EFCAB11: variants seen among roughly 807,000 people sequenced by gnomAD.
The protein encoded by EFCAB11 is EF-hand calcium-binding domain-containing protein 11.
In EFCAB11, 14 loss-of-function variants were observed where a neutral mutation model predicts 23.0. That is an observed-to-expected ratio of 0.61 (90% confidence interval 0.40 to 0.95). The LOEUF (loss-of-function observed/expected upper bound fraction) is 0.95. Among genes scored for constraint, EFCAB11 ranks in the 40% least tolerant of loss-of-function variants. EFCAB11 has a pLI of 0.00. For missense variants in EFCAB11, 198 were observed against 195.8 expected, an observed-to-expected ratio of 1.01 and a Z score of -0.07; for synonymous variants, 65 against 66.6, an observed-to-expected ratio of 0.98 and a Z score of 0.11.
At chr14:89,840,644 A>C (rs1368915210) in intron 5 of EFCAB11, among the ~76,000 whole-genome samples, 1 of 152,224 alleles carries the variant, frequency 6.6e-6, no homozygotes, top group East Asian at 1.9e-4. Context: ...ATGGAAAAGC[A>C]CTACATTTAA....
intron 5 of EFCAB11, among the ~76,000 whole-genome samples, chr14:89,838,936 A>G (rs1483526991): frequency 6.6e-6 from 1 of 152,244 alleles, no homozygotes; most frequent in African/African-American, 2.4e-5. Context: ...ACTAGAATTG[A>G]TGATGTGAAA....
intron 5 of EFCAB11, among the ~76,000 whole-genome samples, chr14:89,803,261 A>T (rs1885847114): frequency 6.6e-6 from 1 of 152,224 alleles, no homozygotes; most frequent in Non-Finnish European, 1.5e-5. Flanking sequence ...TAAAAAGAAA[A>T]TGATTTCAGG....
chr14:89,953,336 A>G (rs2139853844), intron 2 of EFCAB11, among the ~76,000 whole-genome samples: 1 of 152,330 alleles, frequency 6.6e-6, no homozygotes, highest in East Asian at 1.9e-4. Flanking sequence ...GAGAAAAGCA[A>G]GTTAAAGTAG....
intron 2 of EFCAB11, chr14:89,952,730 G>T: frequency 2.0e-6 from 1 of 500,124 alleles, no homozygotes; most frequent in Non-Finnish European, 2.6e-6. Flanking sequence ...GGCTTTGCTG[G>T]GCTTTCAATC....
rs531854422 is a variant in EFCAB11 at position 89,805,872 on chromosome 14, C to T, written c.411-8548G>A. Among the ~76,000 whole-genome samples the T allele has an allele frequency of 2.0e-5, 3 of 152,314 alleles. No individual in the cohort carries two copies. The East Asian group carries it at 5.8e-4, about 29-fold the overall frequency. On this transcript the variant is annotated intron_variant, in intron 5 of 5. Coordinates refer to ENST00000316738, the MANE Select transcript of EFCAB11 (RefSeq NM_145231.4). ...GAACTTGATGGACAGACAGCAGATA[C>T]TCAATGAACATAGTATTTTTGAAAT...
At chr14:89,884,809 G>T (rs1333530679) in intron 5 of EFCAB11, among the ~76,000 whole-genome samples, 1 of 152,242 alleles carries the variant, frequency 6.6e-6, no homozygotes, top group African/African-American at 2.4e-5. Flanking sequence ...TCTTTGGGAA[G>T]TAATTAGGTC....
intron 3 of EFCAB11, among the ~76,000 whole-genome samples, chr14:89,949,617 T>C (rs1459824623): frequency 1.3e-5 from 2 of 152,168 alleles, no homozygotes; most frequent in African/African-American, 4.8e-5. Context: ...CCACCTGCCT[T>C]GGCTTCCCAA....
intron 5 of EFCAB11, among the ~76,000 whole-genome samples, chr14:89,819,500 GCCTAAAACT>G (rs1257540034): frequency 3.9e-5 from 6 of 152,014 alleles, no homozygotes; most frequent in African/African-American, 1.5e-4. Context: ...GCTCACTACA[GCCTAAAACT>G]CCTGGGTTCA....
chr14:89,944,611 CA>C (rs1890901730), intron 3 of EFCAB11, among the ~76,000 whole-genome samples: 1 of 151,924 alleles, frequency 6.6e-6, no homozygotes, highest in South Asian at 2.1e-4. Flanking sequence ...GGAATATTCA[CA>C]AAAAACCCTA....
chr14:89,919,615 G>A lies in EFCAB11; in HGVS notation c.410+11926C>T, dbSNP rs147607752. 1.5e-3 allele frequency among the ~76,000 whole-genome samples: 223 copies of A among 152,244 alleles called. 1 individual carries two copies. The highest frequency in any genetic ancestry group is 2.4e-3 in the Non-Finnish European group (160 of 68,020). ...AATTCTAAAAACTCCATGAGTGGGA[G>A]GCAGGTAAAAGTGAGTGATAAACAG... On this transcript the variant is annotated intron_variant, in intron 5 of 5. Transcript: ENST00000316738.
chr14:89,806,415 T>TA (rs1384995278), intron 5 of EFCAB11, among the ~76,000 whole-genome samples: 1 of 152,176 alleles, frequency 6.6e-6, no homozygotes, highest in Non-Finnish European at 1.5e-5. Flanking sequence ...ACAGAGCTGC[T>TA]AATAAACAGG....
At chr14:89,887,497 T>A (rs1283665646) in intron 5 of EFCAB11, among the ~76,000 whole-genome samples, 3 of 152,210 alleles carry the variant, frequency 2.0e-5, no homozygotes, top group Non-Finnish European at 4.4e-5. Flanking sequence ...TTGTTTTCTA[T>A]CCATAAACAT....
chr14:89,945,445 C>T (rs1890945991), intron 3 of EFCAB11, among the ~76,000 whole-genome samples: 1 of 152,166 alleles, frequency 6.6e-6, no homozygotes, highest in African/African-American at 2.4e-5. Context: ...CAAAATACTT[C>T]CTAATTTTTC....
intron 5 of EFCAB11, among the ~76,000 whole-genome samples, chr14:89,914,529 A>G (rs1392804827): frequency 1.3e-5 from 2 of 152,216 alleles, no homozygotes; most frequent in Admixed American, 1.3e-4. Flanking sequence ...TCACGCCTGT[A>G]ATCCCAGCAC....
At chr14:89,862,492 C>T (rs1004022861) in intron 5 of EFCAB11, among the ~76,000 whole-genome samples, 1 of 152,084 alleles carries the variant, frequency 6.6e-6, no homozygotes, top group African/African-American at 2.4e-5. Context: ...TGAATTGTGT[C>T]CAGAAAACTG....
chr14:89,818,761 C>T (rs774743612), intron 5 of EFCAB11, among the ~76,000 whole-genome samples: 7 of 152,186 alleles, frequency 4.6e-5, no homozygotes, highest in Non-Finnish European at 8.8e-5. Context: ...ATGGAAAATA[C>T]GCACATGAAA....
intron 3 of EFCAB11, among the ~76,000 whole-genome samples, chr14:89,933,173 C>T (rs901797282): frequency 3.4e-4 from 51 of 152,176 alleles, no homozygotes; most frequent in Non-Finnish European, 5.7e-4. Context: ...GCCCTGGATA[C>T]GCCCCACAAC....
intron 5 of EFCAB11, among the ~76,000 whole-genome samples, chr14:89,835,068 C>T (rs1418435862): frequency 6.6e-6 from 1 of 152,152 alleles, no homozygotes; most frequent in Non-Finnish European, 1.5e-5. Context: ...GCTTTGATGA[C>T]TTCTATTTTC....
chr14:89,932,519 C>G lies in EFCAB11; in HGVS notation c.319+7G>C. 1 of 1,611,464 alleles carries G rather than the reference C, an allele frequency of 6.2e-7. No individual in the cohort carries two copies. The highest frequency in any genetic ancestry group is 8.5e-7 in the Non-Finnish European group (1 of 1,178,234). ...TTTTTACATCAAAACACTTTAGAGA[C>G]ACTTACAGTAGGTGTCAAAGGCTGT... On this transcript the variant is annotated splice_region_variant and intron_variant, in intron 4 of 5. Transcript: ENST00000316738.
Sources: allele counts gnomAD v4.1 joint callset (sites outside exome capture counted in the v4.1 genomes callset), GRCh38; gene constraint gnomAD v4.1.1; transcripts MANE v1.5; gene names NCBI Gene and HGNC (gene_info 2026-07-23, HGNC 2026-07-21).